ZC3H12B: variants seen among roughly 807,000 people sequenced by gnomAD.
ZC3H12B encodes zinc finger CCCH-type containing 12B.
A neutral mutation model predicts 43.9 loss-of-function variants in ZC3H12B; 7 were observed. The observed-to-expected ratio is 0.16, with a 90% CI of 0.09 to 0.30. The LOEUF is 0.30. Among genes scored for constraint, ZC3H12B ranks in the 10% least tolerant of loss-of-function variants. The pLI is 1.00. For synonymous variants in ZC3H12B, 222 were observed against 241.7 expected, an observed-to-expected ratio of 0.92 and a Z score of 0.76; for missense variants, 475 against 670.2, an observed-to-expected ratio of 0.71 and a Z score of 3.22.
chrX:65,072,035 T>C, the ZC3H12B span, among the ~76,000 whole-genome samples: 1 of 112,348 alleles, frequency 8.9e-6, no homozygotes, highest in African/African-American at 3.2e-5. Flanking sequence ...GGATGATATC[T>C]TGAAATATAA....
At chrX:65,094,275 T>G in the ZC3H12B span, among the ~76,000 whole-genome samples, 72 of 106,948 alleles carry the variant, frequency 6.7e-4, no homozygotes, top group African/African-American at 2.4e-3. Context: ...TTTTTTTTTT[T>G]AATAAATTAC....
At chrX:65,212,691 T>G in the ZC3H12B span, among the ~76,000 whole-genome samples, 2 of 91,953 alleles carry the variant, frequency 2.2e-5, no homozygotes, top group African/African-American at 8.0e-5. Flanking sequence ...ATATCATATA[T>G]AAATATATAT....
chrX:65,178,431 A>C, the ZC3H12B span, among the ~76,000 whole-genome samples: 1 of 112,496 alleles, frequency 8.9e-6, no homozygotes, highest in Non-Finnish European at 1.9e-5. Context: ...ATTAAACTAA[A>C]GAGCTTCTGC....
At chrX:65,221,107 T>G in the ZC3H12B span, among the ~76,000 whole-genome samples, 2 of 111,467 alleles carry the variant, frequency 1.8e-5, no homozygotes, top group Non-Finnish European at 3.8e-5. Context: ...GATCCTTGGG[T>G]CAACAATAAA....
At chrX:65,310,844 A>G in the ZC3H12B span, among the ~76,000 whole-genome samples, 33 of 111,867 alleles carry the variant, frequency 2.9e-4, no homozygotes, top group South Asian at 1.5e-3. Flanking sequence ...ATAACACCAC[A>G]TATCTACAAC....
At chrX:65,272,137 A>T in the ZC3H12B span, 1 of 109,108 alleles carries the variant, frequency 9.2e-6, no homozygotes, top group African/African-American at 3.4e-5. Context: ...TGGTGCGAAC[A>T]TGGGAGGTGG....
chrX:65,104,910 A>G, the ZC3H12B span, among the ~76,000 whole-genome samples: 1 of 111,788 alleles, frequency 8.9e-6, no homozygotes, highest in Non-Finnish European at 1.9e-5. Flanking sequence ...CTGTGTATAT[A>G]CCCAAAGGAT....
At chrX:65,311,235 G>A in the ZC3H12B span, among the ~76,000 whole-genome samples, 1 of 111,555 alleles carries the variant, frequency 9.0e-6, no homozygotes, top group African/African-American at 3.3e-5. Flanking sequence ...GAAAATTTTT[G>A]CAATCCACCC....
chrX:65,281,064 T>A, the ZC3H12B span, among the ~76,000 whole-genome samples: 2 of 110,735 alleles, frequency 1.8e-5, no homozygotes, highest in Non-Finnish European at 3.8e-5. Flanking sequence ...ATAGCCAAAG[T>A]AATTCTGATT....
At chrX:65,314,876 CTGTA>C in the ZC3H12B span, among the ~76,000 whole-genome samples, 2 of 110,310 alleles carry the variant, frequency 1.8e-5, no homozygotes, top group African/African-American at 6.6e-5. Context: ...ATAAAGGAAA[CTGTA>C]TGGTAACAAG....
At chrX:65,155,331 C>T in the ZC3H12B span, among the ~76,000 whole-genome samples, 6 of 109,964 alleles carry the variant, frequency 5.5e-5, no homozygotes, top group Admixed American at 2.0e-4. Context: ...TCTCTTAGAG[C>T]GATCACATAG....
chrX:65,212,015 ATAT>A, the ZC3H12B span, among the ~76,000 whole-genome samples: 3 of 66,391 alleles, frequency 4.5e-5, no homozygotes, highest in African/African-American at 1.9e-4. Context: ...ACTATATAAT[ATAT>A]AATATATATG....
chrX:65,355,810 C>A, the ZC3H12B span, among the ~76,000 whole-genome samples: 3 of 110,782 alleles, frequency 2.7e-5, no homozygotes, highest in Non-Finnish European at 1.9e-5. Flanking sequence ...CAAAAAGTAG[C>A]CAGATGTAGT....
the ZC3H12B span, among the ~76,000 whole-genome samples, chrX:65,336,487 T>C: frequency 1.8e-5 from 2 of 112,022 alleles, no homozygotes; most frequent in Non-Finnish European, 3.8e-5. Flanking sequence ...GCAAAACAGA[T>C]ATTAGCCACT....
chrX:65,233,507 C>A, the ZC3H12B span, among the ~76,000 whole-genome samples: 1 of 102,193 alleles, frequency 9.8e-6, no homozygotes, highest in African/African-American at 3.7e-5. Flanking sequence ...ACCATTGGGC[C>A]AATGAAGAAA....
At chrX:65,449,077 AAGAAAG>A (rs1365688016) in intron 3 of ZC3H12B, among the ~76,000 whole-genome samples, 2 of 109,234 alleles carry the variant, frequency 1.8e-5, no homozygotes, top group African/African-American at 6.7e-5. Context: ...GAAAGAAAGA[AAGAAAG>A]AGAAACAGAA....
chrX:65,473,107 G>A (rs776439352), intron 3 of ZC3H12B, among the ~76,000 whole-genome samples: 3 of 103,870 alleles, frequency 2.9e-5, no homozygotes, highest in Middle Eastern at 4.8e-3. Flanking sequence ...TCTGCCTCCC[G>A]GGTTCAAGCA....
chrX:65,392,235 G>T (rs1445212214), intron 2 of ZC3H12B, among the ~76,000 whole-genome samples: 1 of 111,235 alleles, frequency 9.0e-6, no homozygotes, highest in East Asian at 2.8e-4. Flanking sequence ...AATCATCTGG[G>T]ATGTGAGGAG....
At position 65,415,821 on chromosome X, in the gene ZC3H12B, G is replaced by A. The variant is rs187318405; in HGVS notation, n.407+17117G>A. ...AATATGTACTTCAATGTATTACTGT[G>A]GATATTACATGAAAAAATTAACTTG... On this transcript the variant is annotated intron_variant and non_coding_transcript_variant, in intron 3 of 5. Coordinates refer to the ZC3H12B transcript ENST00000617377. Among the ~76,000 whole-genome samples, 318 of 111,734 alleles carry A rather than the reference G, an allele frequency of 2.8e-3. 3 individuals carry two copies. The highest frequency in any genetic ancestry group is 0.014 in the Middle Eastern group (3 of 216).
Sources: allele counts gnomAD v4.1 joint callset (sites outside exome capture counted in the v4.1 genomes callset), GRCh38; gene constraint gnomAD v4.1.1; transcripts MANE v1.5; gene names NCBI Gene and HGNC (gene_info 2026-07-23, HGNC 2026-07-21).